BLTP1: variants seen among roughly 807,000 people sequenced by gnomAD.
BLTP1 encodes the protein bridge-like lipid transfer protein family member 1.
At chr4:122,214,120 TTC>T in the BLTP1 span, 15 of 704,404 alleles carry the variant, frequency 2.1e-5, no homozygotes, top group Non-Finnish European at 2.6e-5. Context: ...TTCCTACTGT[TTC>T]TCTGATTGTA....
At chr4:122,336,830 AAT>A in the BLTP1 span, 78 of 1,535,982 alleles carry the variant, frequency 5.1e-5, no homozygotes, top group Non-Finnish European at 6.2e-5. Flanking sequence ...TCTTTTAATA[AAT>A]AGTTTGCCTT....
chr4:122,181,458 A>G, the BLTP1 span, among the ~76,000 whole-genome samples: 1 of 152,092 alleles, frequency 6.6e-6, no homozygotes, highest in South Asian at 2.1e-4. Context: ...TTAGGCTTCT[A>G]ATTTTTCCAC....
the BLTP1 span, chr4:122,171,869 A>AG: frequency 3.0e-6 from 3 of 984,930 alleles, no homozygotes; most frequent in African/African-American, 1.7e-5. Flanking sequence ...CTATGAGCAT[A>AG]GGGGGGCGTG....
chr4:122,204,271 A>C, the BLTP1 span: 1 of 917,110 alleles, frequency 1.1e-6, no homozygotes, highest in Non-Finnish European at 1.3e-6. Context: ...AGAGGAAATC[A>C]CTGTTGTCTG....
the BLTP1 span, chr4:122,334,591 T>G: frequency 6.3e-7 from 1 of 1,580,328 alleles, no homozygotes; most frequent in Non-Finnish European, 8.6e-7. Flanking sequence ...TTAAAAATTT[T>G]TAGTTATTAC....
At chr4:122,289,219 T>G in the BLTP1 span, 1 of 1,481,984 alleles carries the variant, frequency 6.7e-7, no homozygotes, top group Non-Finnish European at 9.3e-7. Context: ...CCTTATAGTA[T>G]AGGTGTAGGT....
the BLTP1 span, chr4:122,211,189 G>T: frequency 1.8e-6 from 2 of 1,140,728 alleles, no homozygotes; most frequent in Admixed American, 4.5e-5. Flanking sequence ...TAGCCAGTTG[G>T]ATTATTTAAA....
the BLTP1 span, chr4:122,286,526 T>C: frequency 6.2e-7 from 1 of 1,613,678 alleles, no homozygotes; most frequent in East Asian, 2.2e-5. Context: ...CAATAACTTT[T>C]CTCATTTCTT....
At chr4:122,314,094 TGG>T in the BLTP1 span, 1 of 982,614 alleles carries the variant, frequency 1.0e-6, no homozygotes, top group Non-Finnish European at 1.2e-6. Flanking sequence ...GGGAGAATAC[TGG>T]GATCAGAGAA....
chr4:122,179,655 G>A, the BLTP1 span, among the ~76,000 whole-genome samples: 10 of 152,116 alleles, frequency 6.6e-5, no homozygotes, highest in Admixed American at 1.3e-4. Flanking sequence ...CCATAGAACA[G>A]AAACACAGGG....
At chr4:122,308,999 T>C in the BLTP1 span, among the ~76,000 whole-genome samples, 1 of 152,028 alleles carries the variant, frequency 6.6e-6, no homozygotes, top group Non-Finnish European at 1.5e-5. Flanking sequence ...GGTGGCATAG[T>C]GAGATCATCT....
At chr4:122,196,900 G>T in the BLTP1 span, 1 of 534,492 alleles carries the variant, frequency 1.9e-6, no homozygotes, top group Non-Finnish European at 3.1e-6. Context: ...TATATGAGCT[G>T]TTTTCCCTTG....
the BLTP1 span, chr4:122,267,746 CTTTAGTG>C: frequency 3.0e-6 from 1 of 335,956 alleles, no homozygotes; most frequent in South Asian, 1.2e-4. Flanking sequence ...TCTTCAGTTT[CTTTAGTG>C]TTTAATAGGA....
At chr4:122,208,043 T>G in the BLTP1 span, 1 of 985,326 alleles carries the variant, frequency 1.0e-6, no homozygotes, top group Non-Finnish European at 1.2e-6. Context: ...CCAGCTCTTA[T>G]GTACTTCTAA....
chr4:122,228,976 T>C, the BLTP1 span: 2 of 656,494 alleles, frequency 3.0e-6, no homozygotes, highest in Non-Finnish European at 4.7e-6. Flanking sequence ...ATTTCATTTA[T>C]TATTATAAAA....
chr4:122,347,837 G>C, the BLTP1 span: 1 of 1,238,660 alleles, frequency 8.1e-7, no homozygotes, highest in African/African-American at 1.5e-5. Flanking sequence ...TAAAATCTTA[G>C]TTACTCTCAG....
At chr4:122,232,013 G>C in the BLTP1 span, 1 of 957,854 alleles carries the variant, frequency 1.0e-6, no homozygotes, top group Admixed American at 6.2e-5. Context: ...CACTTAGTGT[G>C]AACCAAATGC....
At chr4:122,267,346 A>G in the BLTP1 span, among the ~76,000 whole-genome samples, 44,630 of 151,974 alleles carry the variant, frequency 0.29, 7,572 homozygotes, top group East Asian at 0.45. Flanking sequence ...GGCGTGAGCC[A>G]TCGTGCCCAG....
chr4:122,202,184 C>T, the BLTP1 span, among the ~76,000 whole-genome samples: 1 of 152,074 alleles, frequency 6.6e-6, no homozygotes, highest in African/African-American at 2.4e-5. Flanking sequence ...TTACATACTT[C>T]TCCAAGGCTT....
Sources: gnomAD v4.1 joint callset for allele counts (sites outside exome capture counted in the v4.1 genomes callset) on GRCh38, gnomAD v4.1.1 for gene constraint, MANE v1.5 for transcripts, NCBI Gene and HGNC (gene_info 2026-07-23, HGNC 2026-07-21) for gene names.